Variants in ROBO2 observed in about 807,000 individuals in gnomAD.
ROBO2 encodes the protein roundabout guidance receptor 2.
Under a neutral mutation model 160.8 loss-of-function variants are expected in ROBO2, and 53 were observed. That is an observed-to-expected ratio of 0.33 (90% CI 0.26 to 0.41). The LOEUF is 0.41. Among genes scored for constraint, ROBO2 ranks in the 10% least tolerant of loss-of-function variants. The pLI is 1.00. For synonymous variants in ROBO2, 664 were observed against 611.7 expected (o/e 1.09, Z -1.26); for missense variants, 1,577 against 1,722.4 (o/e 0.92, Z 1.49).
At chr3:77,133,298 G>T (rs940891292) in intron 2 of ROBO2, among the ~76,000 whole-genome samples, 28 of 152,066 alleles carry the variant, frequency 1.8e-4, no homozygotes, top group African/African-American at 6.5e-4. Context: ...GGGAGGAAGA[G>T]AATTTAACAT....
chr3:76,873,311 G>T (rs1022587764), intron 2 of ROBO2, among the ~76,000 whole-genome samples: 5 of 152,048 alleles, frequency 3.3e-5, no homozygotes, highest in Non-Finnish European at 7.4e-5. Context: ...TAAACCATAG[G>T]AATTATTTTA....
intron 2 of ROBO2, among the ~76,000 whole-genome samples, chr3:76,851,628 G>A (rs1211866373): frequency 2.7e-5 from 4 of 149,062 alleles, no homozygotes; most frequent in African/African-American, 7.5e-5. Context: ...CCAGCTACTC[G>A]GGAGGCTGAG....
At chr3:77,622,935 T>G (rs747488962) in intron 23 of ROBO2, among the ~76,000 whole-genome samples, 10 of 152,292 alleles carry the variant, frequency 6.6e-5, no homozygotes, top group South Asian at 6.2e-4. Context: ...ATAAACCATA[T>G]GTTTATGCAT....
At chr3:76,167,995 T>G (rs1260703133) in intron 2 of ROBO2, among the ~76,000 whole-genome samples, 2 of 152,198 alleles carry the variant, frequency 1.3e-5, no homozygotes, top group African/African-American at 4.8e-5. Flanking sequence ...GCTCGTTCAG[T>G]GTGAACAGTT....
intron 2 of ROBO2, among the ~76,000 whole-genome samples, chr3:76,671,493 A>T (rs1243110728): frequency 2.6e-5 from 4 of 152,112 alleles, no homozygotes; most frequent in African/African-American, 9.7e-5. Context: ...CTCACACAAT[A>T]CTTCTCAGGA....
At chr3:75,953,620 A>G (rs1948627047) in intron 2 of ROBO2, among the ~76,000 whole-genome samples, 1 of 151,924 alleles carries the variant, frequency 6.6e-6, no homozygotes, top group Non-Finnish European at 1.5e-5. Context: ...TAAATCAGAA[A>G]GCTTTTTATC....
At chr3:76,396,483 C>G (rs958456197) in intron 2 of ROBO2, among the ~76,000 whole-genome samples, 1 of 151,946 alleles carries the variant, frequency 6.6e-6, no homozygotes, top group African/African-American at 2.4e-5. Context: ...GGCAATTAGG[C>G]AGGAGAAGGA....
intron 2 of ROBO2, among the ~76,000 whole-genome samples, chr3:77,197,813 G>A (rs774041230): frequency 1.3e-5 from 2 of 152,168 alleles, no homozygotes; most frequent in Admixed American, 6.5e-5. Flanking sequence ...TTATCTGGGT[G>A]TGGCCAGTCT....
intron 2 of ROBO2, among the ~76,000 whole-genome samples, chr3:76,895,950 T>G (rs1225884233): frequency 6.6e-6 from 1 of 152,192 alleles, no homozygotes; most frequent in South Asian, 2.1e-4. Context: ...TTTTGCTCCT[T>G]GGACAGCCTG....
At chr3:76,531,026 GA>G (rs1436730103) in intron 2 of ROBO2, among the ~76,000 whole-genome samples, 1 of 152,142 alleles carries the variant, frequency 6.6e-6, no homozygotes, top group Non-Finnish European at 1.5e-5. Flanking sequence ...AAAAAGTGCT[GA>G]TGCATAAAGT....
chr3:76,431,248 A>G (rs2076425408), intron 2 of ROBO2, among the ~76,000 whole-genome samples: 1 of 152,130 alleles, frequency 6.6e-6, no homozygotes, highest in East Asian at 1.9e-4. Flanking sequence ...AAAAAAAATC[A>G]AAGTTAATTT....
intron 2 of ROBO2, among the ~76,000 whole-genome samples, chr3:77,285,238 G>T (rs781194545): frequency 2.0e-5 from 3 of 152,058 alleles, no homozygotes; most frequent in East Asian, 1.9e-4. Context: ...CACTTTCTAC[G>T]ACTTCATTGG....
intron 2 of ROBO2, among the ~76,000 whole-genome samples, chr3:77,258,656 A>G (rs968797102): frequency 2.0e-5 from 3 of 151,302 alleles, no homozygotes; most frequent in Non-Finnish European, 2.9e-5. Context: ...AAAAAGTCCA[A>G]TTAAGAATTT....
At chr3:77,434,409 T>G (rs915261005) in intron 2 of ROBO2, among the ~76,000 whole-genome samples, 9 of 152,142 alleles carry the variant, frequency 5.9e-5, no homozygotes, top group African/African-American at 2.2e-4. Context: ...GAATGGAATC[T>G]CTAGAAAGAC....
intron 2 of ROBO2, among the ~76,000 whole-genome samples, chr3:76,543,124 T>C (rs2082904900): frequency 6.6e-6 from 1 of 152,188 alleles, no homozygotes; most frequent in African/African-American, 2.4e-5. Flanking sequence ...AATTCACAAA[T>C]CAAAATCTGC....
At chr3:77,186,090 G>C (rs896013252) in intron 2 of ROBO2, among the ~76,000 whole-genome samples, 4 of 151,872 alleles carry the variant, frequency 2.6e-5, no homozygotes, top group African/African-American at 9.7e-5. Flanking sequence ...TGTACTGCTC[G>C]GGTGATGGGT....
intron 2 of ROBO2, among the ~76,000 whole-genome samples, chr3:76,911,695 CATAA>C (rs1490140713): frequency 1.3e-5 from 2 of 152,150 alleles, no homozygotes; most frequent in African/African-American, 2.4e-5. Flanking sequence ...TCTCAAAATT[CATAA>C]ATAAATTTCT....
At chr3:77,152,211 A>G (rs1250435601) in intron 2 of ROBO2, among the ~76,000 whole-genome samples, 3 of 152,186 alleles carry the variant, frequency 2.0e-5, no homozygotes, top group Non-Finnish European at 2.9e-5. Context: ...TACTGAGAAA[A>G]TGCAGTAGAA....
chr3:77,096,817 G>A (rs1044445122), intron 1 of ROBO2, among the ~76,000 whole-genome samples: 2 of 152,168 alleles, frequency 1.3e-5, no homozygotes, highest in East Asian at 3.9e-4. Flanking sequence ...TCACTGGTAC[G>A]ATCTATCTTT....
Sources: gnomAD v4.1 joint callset for allele counts (sites outside exome capture counted in the v4.1 genomes callset) on GRCh38, gnomAD v4.1.1 for gene constraint, MANE v1.5 for transcripts, NCBI Gene and HGNC (gene_info 2026-07-23, HGNC 2026-07-21) for gene names.